The following ENTHD1 variants were observed in gnomAD, a reference collection of about 807,000 sequenced individuals.
The protein encoded by ENTHD1 is ENTH domain-containing protein 1.
In ENTHD1, 23 loss-of-function variants were observed where a neutral mutation model predicts 39.1. The observed-to-expected ratio is 0.59, with a 90% CI of 0.42 to 0.83. The LOEUF (loss-of-function observed/expected upper bound fraction) is 0.83. Among genes scored for constraint, ENTHD1 ranks in the 40% least tolerant of loss-of-function variants. ENTHD1 has a pLI of 0.00. For synonymous variants in ENTHD1, 230 were observed against 258.2 expected (o/e 0.89, Z 1.05); for missense variants, 624 against 705.4 (o/e 0.88, Z 1.31).
chr22:39,871,847 A>T (rs1181820271), intron 2 of ENTHD1, among the ~76,000 whole-genome samples: 2 of 152,244 alleles, frequency 1.3e-5, no homozygotes, highest in African/African-American at 4.8e-5. Flanking sequence ...ACAACTTCTA[A>T]CAACAAGGCT....
At chr22:39,784,580 A>ACT (rs1003158793) in intron 5 of ENTHD1, among the ~76,000 whole-genome samples, 1 of 149,624 alleles carries the variant, frequency 6.7e-6, no homozygotes, top group African/African-American at 2.5e-5. Context: ...ACACACACAC[A>ACT]CACTAGAATA....
chr22:39,848,322 T>C (rs1261873502), intron 3 of ENTHD1, among the ~76,000 whole-genome samples: 2 of 151,950 alleles, frequency 1.3e-5, no homozygotes, highest in African/African-American at 2.4e-5. Flanking sequence ...GGCACAATCT[T>C]GGCTCACTGC....
At chr22:39,756,279 A>ATGTCTC (rs1281022660) in intron 6 of ENTHD1, among the ~76,000 whole-genome samples, 67 of 145,792 alleles carry the variant, frequency 4.6e-4, no homozygotes, top group African/African-American at 1.6e-3. Context: ...AAACCTATCA[A>ATGTCTC]TGTCTCTGTC....
At chr22:39,837,745 AAGAGTCCCCTG>A (rs1272057513) in intron 3 of ENTHD1, among the ~76,000 whole-genome samples, 2 of 152,196 alleles carry the variant, frequency 1.3e-5, no homozygotes, top group African/African-American at 4.8e-5. Flanking sequence ...ATTCCTAAGG[AAGAGTCCCCTG>A]AGAGTAAAGC....
chr22:39,875,219 A>C (rs2146752402), intron 2 of ENTHD1: 1 of 942,236 alleles, frequency 1.1e-6, no homozygotes, highest in East Asian at 3.8e-5. Context: ...CAGAAACTGA[A>C]GAACACATAC....
At chr22:39,832,126 T>A (rs997615801) in intron 4 of ENTHD1, among the ~76,000 whole-genome samples, 17 of 152,078 alleles carry the variant, frequency 1.1e-4, no homozygotes, top group African/African-American at 3.9e-4. Flanking sequence ...GAGACTAGCC[T>A]CGGCAATATA....
intron 3 of ENTHD1, among the ~76,000 whole-genome samples, chr22:39,852,798 T>C (rs1486856178): frequency 1.3e-5 from 2 of 152,354 alleles, no homozygotes; most frequent in East Asian, 3.9e-4. Context: ...CAGTCCACCA[T>C]TGACTGAAAC....
At chr22:39,865,542 A>T (rs2066175411) in intron 2 of ENTHD1, among the ~76,000 whole-genome samples, 1 of 152,218 alleles carries the variant, frequency 6.6e-6, no homozygotes, top group Non-Finnish European at 1.5e-5. Flanking sequence ...GAAAGGGAGG[A>T]CAGCATACCA....
At chr22:39,755,722 C>T (rs374257754) in intron 6 of ENTHD1, among the ~76,000 whole-genome samples, 14 of 151,978 alleles carry the variant, frequency 9.2e-5, no homozygotes, top group East Asian at 3.9e-4. Flanking sequence ...GTTCTAAAGG[C>T]GGAATTAAAA....
At chr22:39,754,440 T>C (rs2065169531) in intron 6 of ENTHD1, among the ~76,000 whole-genome samples, 1 of 152,216 alleles carries the variant, frequency 6.6e-6, no homozygotes, top group Non-Finnish European at 1.5e-5. Context: ...GTTCTAAACC[T>C]AAGCGTTCTC....
In ENTHD1 at chr22:39,814,024, T is replaced by TA. The variant is rs946249122; in HGVS notation, c.832+6968dup. On this transcript the variant is annotated intron_variant, in intron 5 of 6. Coordinates refer to ENST00000325157, the MANE Select transcript of ENTHD1 (RefSeq NM_152512.4). ...ATACAGAACCTATATGAAAAACTATTAAAAAAACACATTAAGGAAGAATTA... is the reference window on the plus strand; with the variant it reads ...ATACAGAACCTATATGAAAAACTATTAAAAAAAACACATTAAGGAAGAATTA... Among the ~76,000 whole-genome samples the TA allele has an allele frequency of 3.3e-5, 5 of 152,124 alleles. No individual in the cohort carries two copies. In the South Asian group the frequency reaches 6.2e-4, roughly 19 times the overall value.
chr22:39,780,875 C>T (rs944344270), intron 5 of ENTHD1, among the ~76,000 whole-genome samples: 16 of 151,642 alleles, frequency 1.1e-4, no homozygotes, highest in Non-Finnish European at 1.6e-4. Context: ...GGTGGGCACC[C>T]GTAGTCCCAG....
At chr22:39,786,585 A>G (rs1459015720) in intron 5 of ENTHD1, among the ~76,000 whole-genome samples, 1 of 152,046 alleles carries the variant, frequency 6.6e-6, no homozygotes, top group Non-Finnish European at 1.5e-5. Context: ...TCTGTGCTAA[A>G]TTTTTGAATA....
chr22:39,777,299 T>A (rs1297553673), intron 5 of ENTHD1, among the ~76,000 whole-genome samples: 1 of 152,212 alleles, frequency 6.6e-6, no homozygotes, highest in Non-Finnish European at 1.5e-5. Flanking sequence ...AATAACATGC[T>A]TGACATGAAA....
At chr22:39,889,626 C>T (rs1055377672) in intron 1 of ENTHD1, among the ~76,000 whole-genome samples, 1 of 152,204 alleles carries the variant, frequency 6.6e-6, no homozygotes, top group African/African-American at 2.4e-5. Context: ...GCTTCCCTTT[C>T]TTGACCTTCT....
At position 39,888,490 on chromosome 22, in the gene ENTHD1, C is replaced by T. The variant is rs888374921; in HGVS notation, c.-155-587G>A. Among the ~76,000 whole-genome samples, 12 of 151,612 alleles carry T rather than the reference C, an allele frequency of 7.9e-5. No homozygotes were observed. In the South Asian group the frequency reaches 1.0e-3, roughly 13 times the overall value. On this transcript the variant is annotated intron_variant, in intron 1 of 6. Coordinates refer to ENST00000325157, the MANE Select transcript of ENTHD1 (RefSeq NM_152512.4). The stretch of plus-strand genomic sequence containing the variant: ...TTGCCCAGGCTGGAGTGCAGTGGTG[C>T]GATCTTGGCTCACTGCAACCTCTGC...
At chr22:39,830,712 T>A (rs1170193132) in intron 4 of ENTHD1, among the ~76,000 whole-genome samples, 1 of 152,152 alleles carries the variant, frequency 6.6e-6, no homozygotes, top group Admixed American at 6.5e-5. Flanking sequence ...GATTCAGCAA[T>A]GAATAAAGAC....
intron 3 of ENTHD1, among the ~76,000 whole-genome samples, chr22:39,848,942 GTAT>G (rs1393674312): frequency 6.6e-6 from 1 of 152,068 alleles, no homozygotes; most frequent in East Asian, 1.9e-4. Flanking sequence ...AATTATCCGA[GTAT>G]TATTTATTGA....
At chr22:39,852,670 G>A (rs1484511690) in intron 3 of ENTHD1, among the ~76,000 whole-genome samples, 1 of 152,124 alleles carries the variant, frequency 6.6e-6, no homozygotes, top group Non-Finnish European at 1.5e-5. Context: ...GAATGTGGTA[G>A]GCAATTGTAA....
Sources: gnomAD v4.1 joint callset for allele counts (sites outside exome capture counted in the v4.1 genomes callset) on GRCh38, gnomAD v4.1.1 for gene constraint, MANE v1.5 for transcripts, NCBI Gene and HGNC (gene_info 2026-07-23, HGNC 2026-07-21) for gene names.